OTOR: variants seen among roughly 807,000 people sequenced by gnomAD.
The protein encoded by OTOR is otoraplin.
In OTOR, 20 loss-of-function variants were observed where a neutral mutation model predicts 15.9. The ratio of observed to expected loss-of-function variants is 1.26; its 90% CI spans 0.89 to 1.83. The LOEUF (loss-of-function observed/expected upper bound fraction) is 1.83. Ranked by LOEUF, OTOR falls within the 40% of genes most tolerant of loss-of-function variation. The pLI is 0.00. For missense variants in OTOR, 184 were observed against 159.0 expected (o/e 1.16, Z -0.85); for synonymous variants, 53 against 54.2 (o/e 0.98, Z 0.09).
At position 16,751,112 on chromosome 20, in the gene OTOR, C is replaced by A. The variant is rs370100954; in HGVS notation, c.381C>A (p.Cys127Ter). The A allele has an allele frequency of 3.2e-6, 5 of 1,541,916 alleles. No individual in the cohort carries two copies. The highest frequency in any genetic ancestry group is 1.7e-4 in the Middle Eastern group (1 of 5,920). Residue 127 changes from cysteine (C) to a stop codon, truncating the protein, a stop_gained, in exon 4 of 4, where the codon TGC becomes TGA. Transcript: ENST00000246081. LOFTEE classifies it high-confidence loss of function. The part of the protein sequence containing the change: ...EVPTTDIDFF[C>*]E ...TTTTCCAGGATATTGACTTCTTCTGCGAGTAATAAATTAGTTAAAACTGCA... is the reference window on the plus strand; with the variant it reads ...TTTTCCAGGATATTGACTTCTTCTGAGAGTAATAAATTAGTTAAAACTGCA...
chr20:16,748,906 C>G lies in OTOR; in HGVS notation c.155C>G (p.Ala52Gly). ...SLASAQEDYN[A>G]PDCRFINVKK... Reference sequence around the variant, plus strand: ...GCTAGTGCTCAAGAAGATTATAATGCCCCGGACTGTAGATTCATTAACGTT... The same window carrying G: ...GCTAGTGCTCAAGAAGATTATAATGGCCCGGACTGTAGATTCATTAACGTT... Residue 52 changes from alanine to glycine, a missense_variant, in exon 2 of 4, where the codon GCC (alanine) becomes GGC (glycine). Transcript: ENST00000246081. The G allele has an allele frequency of 6.2e-7, 1 of 1,610,060 alleles. No individual in the cohort carries two copies. Among genetic ancestry groups the G allele is most frequent in the Non-Finnish European group, 8.5e-7 (1 of 1,177,852 alleles).
rs61752032 is a variant in OTOR, at chr20:16,749,995, G to A, written c.348G>A (p.Lys116=). ...KEQRVYQEAT[K]EVPTTDIDFF... ...AGCGTGTGTACCAGGAAGCTACCAA[G>A]GAAGTTCCCACCACGGTAAGCATCT... The change falls in exon 3 of 4, where the codon AAG becomes AAA. Residue 116 remains lysine, a synonymous_variant. Transcript: ENST00000246081. 18,408 of 1,610,964 alleles carry A rather than the reference G, an allele frequency of 0.011. 186 individuals are homozygous for A. The highest frequency in any genetic ancestry group is 0.062 in the Middle Eastern group (378 of 6,058).
Position 16,751,232 on chromosome 20 carries a change from C to G in OTOR, c.*114C>G, listed in dbSNP as rs1408699183. 9.5e-6 allele frequency: 7 copies of G among 738,676 alleles called. No homozygotes were observed. The highest frequency in any genetic ancestry group is 1.1e-5 in the Non-Finnish European group (5 of 453,116). The allele number at this position is 738,676 out of a possible 1,614,324, so 45.8% of individuals were successfully genotyped here. On this transcript the variant is annotated 3_prime_UTR_variant, in exon 4 of 4. Transcript: ENST00000246081. ...GACTGACGTTTTAAGAATTTGTTAC[C>G]TTACAGAAGAGCAAGGGCTTAGGGG...
intron 3 of OTOR, among the ~76,000 whole-genome samples, chr20:16,750,403 T>TTGTGTG (rs3075058): frequency 0.18 from 26,570 of 148,268 alleles, 2,885 homozygotes; most frequent in East Asian, 0.44. Context: ...ATAGTTACCT[T>TTGTGTG]TGTGTGTGTG....
intron 2 of OTOR, chr20:16,749,479 G>A (rs1258768011): frequency 1.7e-5 from 3 of 172,966 alleles, no homozygotes; most frequent in Non-Finnish European, 3.6e-5. Context: ...CTAAAGGTAA[G>A]TTCTAAATTA....
chr20:16,751,903 A>AG lies in OTOR; in HGVS notation c.*786dup, dbSNP rs1244732106. ...CAAGCTGCAAGTCATCAAAAGACCCAGAAAAAAAAAAGTCTGTAGGTTATT... is the reference window on the plus strand; with the variant it reads ...CAAGCTGCAAGTCATCAAAAGACCCAGGAAAAAAAAAAGTCTGTAGGTTATT... On this transcript the variant is annotated 3_prime_UTR_variant, in exon 4 of 4. Transcript: ENST00000246081. 6.7e-6 allele frequency: 1 copy of AG among 149,822 alleles called. No homozygotes were observed. The highest frequency in any genetic ancestry group is 1.5e-5 in the Non-Finnish European group (1 of 67,046). 9.3% of individuals were successfully genotyped at this position (149,822 alleles called of 1,614,324 possible). A position where few individuals can be genotyped will look rare whatever the true frequency, so the allele number is the denominator to read the frequency against.
At position 16,748,997 on chromosome 20, in the gene OTOR, G is replaced by T; in HGVS notation, c.246G>T (p.Trp82Cys). 2.6e-6 allele frequency: 4 copies of T among 1,549,142 alleles called. No homozygotes were observed. Among genetic ancestry groups the T allele is most frequent in the Non-Finnish European group, 3.5e-6 (4 of 1,156,318 alleles). ...AAGAAAATGGAGCTGGAGAATTTTG[G>T]GCTGGCAGTGTAAGATAATTTAAAC... ...LVKENGAGEF[W>C]AGSVYGDGQD... The change falls in exon 2 of 4, where the codon TGG (tryptophan) becomes TGT (cysteine). Residue 82 changes from tryptophan (W) to cysteine (C), a missense_variant. Transcript: ENST00000246081.
At position 16,748,444 on chromosome 20, in the gene OTOR, G is replaced by GT. The variant is rs1323935955; in HGVS notation, c.44dup (p.Cys16MetfsTer20). ...ACTTTTCCTCCCGGGTCTTGTGGCT[G>GT]TATGTGCTGTGCATGGAATATTTAT... On this transcript the variant is annotated frameshift_variant, in exon 1 of 4. Coordinates refer to ENST00000246081, the MANE Select transcript of OTOR (RefSeq NM_020157.4). LOFTEE classifies it high-confidence loss of function. 1 of 1,613,636 alleles carries GT rather than the reference G, an allele frequency of 6.2e-7. No homozygotes were observed. The highest frequency in any genetic ancestry group is 1.1e-5 in the South Asian group (1 of 91,072).
At chr20:16,748,694 G>C (rs1235692155) in intron 1 of OTOR, among the ~76,000 whole-genome samples, 173 bp from the exon 2 acceptor site, 4 of 152,172 alleles carry the variant, frequency 2.6e-5, no homozygotes, top group Non-Finnish European at 5.9e-5. Context: ...ACTTGGCTGA[G>C]TTTTGTTGCA....
intron 2 of OTOR, 119 bp downstream of exon 2, chr20:16,749,125 G>A: frequency 1.6e-6 from 1 of 609,910 alleles, no homozygotes; most frequent in South Asian, 6.4e-5. Context: ...GATTGTAGAT[G>A]GAAATGCAAA....
intron 3 of OTOR, among the ~76,000 whole-genome samples, chr20:16,750,867 T>A (rs527249294): frequency 6.6e-6 from 1 of 152,248 alleles, no homozygotes; most frequent in South Asian, 2.1e-4. Context: ...CTTAGCATTA[T>A]GCTGAAATCT....
intron 1 of OTOR, 55 bp downstream of exon 1, chr20:16,748,571 T>G: frequency 1.9e-6 from 2 of 1,034,374 alleles, no homozygotes; most frequent in East Asian, 4.8e-5. Context: ...TGAAAATATA[T>G]CCACTAATAG....
rs760235968 is a variant in OTOR, at chr20:16,750,043, C to T, written c.363+33C>T. On this transcript the variant is annotated intron_variant, in intron 3 of 3. Coordinates refer to ENST00000246081, the MANE Select transcript of OTOR (RefSeq NM_020157.4). ...TCTCAAAAGTGACTAGACAAGGACTCAGATCTTGGGGCAATGTAGGCCGGT... is the reference window on the plus strand; with the variant it reads ...TCTCAAAAGTGACTAGACAAGGACTTAGATCTTGGGGCAATGTAGGCCGGT... 4 of 1,405,488 alleles carry T rather than the reference C, an allele frequency of 2.8e-6. No homozygotes were observed. In the East Asian group the frequency reaches 6.9e-5, roughly 24 times the overall value. The allele number at this position is 1,405,488 out of a possible 1,614,324, so 87.1% of individuals were successfully genotyped here.
In OTOR at chr20:16,748,508, AGT is replaced by A; in HGVS notation, c.112_113del (p.Val38LeufsTer7). ...TCCAAGAAGCTCTGTGCAGATGATGAGTGTGTCTGTAAGGACTTTTTTATGCT... is the reference window on the plus strand; with the variant it reads ...TCCAAGAAGCTCTGTGCAGATGATGAGTGTCTGTAAGGACTTTTTTATGCT... On this transcript the variant is annotated frameshift_variant, in exon 1 of 4. Transcript: ENST00000246081. LOFTEE classifies it high-confidence loss of function. 6.3e-7 allele frequency: 1 copy of A among 1,594,114 alleles called. No individual in the cohort carries two copies. The highest frequency in any genetic ancestry group is 8.6e-7 in the Non-Finnish European group (1 of 1,162,316).
rs1238562355 is a variant in OTOR, at chr20:16,750,003, C to T, written c.356C>T (p.Pro119Leu). 1.9e-6 allele frequency: 3 copies of T among 1,606,584 alleles called. No homozygotes were observed. Among genetic ancestry groups the T allele is most frequent in the South Asian group, 2.2e-5 (2 of 90,816 alleles). ...RVYQEATKEVPTTDIDFFCE is the reference protein window; with the variant it reads ...RVYQEATKEVLTTDIDFFCE ...TACCAGGAAGCTACCAAGGAAGTTC[C>T]CACCACGGTAAGCATCTCAAAAGTG... The change falls in exon 3 of 4, where the codon CCC becomes CTC. Residue 119 changes from proline (P) to leucine (L), a missense_variant. Pro to Leu is a moderately conservative substitution (Grantham distance 98). Coordinates refer to ENST00000246081, the MANE Select transcript of OTOR (RefSeq NM_020157.4).
At chr20:16,749,066 C>T (rs1600230498) in intron 2 of OTOR, 60 bp downstream of exon 2, 2 of 1,255,300 alleles carry the variant, frequency 1.6e-6, no homozygotes, top group East Asian at 2.5e-5. Context: ...TGATTACCTA[C>T]CTTCAACCTA....
intron 1 of OTOR, 33 bp downstream of exon 1, chr20:16,748,549 C>A: frequency 8.1e-7 from 1 of 1,239,788 alleles, no homozygotes; most frequent in South Asian, 1.3e-5. Context: ...CATTATCTTT[C>A]TATTACATAA....
Position 16,749,982 on chromosome 20 carries a change from A to G in OTOR, c.335A>G (p.Gln112Arg). The change falls in exon 3 of 4, where the codon CAG becomes CGG. Residue 112 changes from glutamine (Q) to arginine (R), a missense_variant. Transcript: ENST00000246081. Reference protein sequence around the residue: ...RNLVKEQRVYQEATKEVPTTD... With the variant: ...RNLVKEQRVYREATKEVPTTD... ...TTGGTCAAGGAACAGCGTGTGTACC[A>G]GGAAGCTACCAAGGAAGTTCCCACC... 1 of 1,613,246 alleles carries G rather than the reference A, an allele frequency of 6.2e-7. No individual in the cohort carries two copies. Among genetic ancestry groups the G allele is most frequent in the Non-Finnish European group, 8.5e-7 (1 of 1,179,362 alleles).
chr20:16,748,405 G>A lies in OTOR; in HGVS notation c.4G>A (p.Ala2Thr), dbSNP rs550799765. The A allele has an allele frequency of 6.2e-7, 1 of 1,605,236 alleles. No homozygotes were observed. Among genetic ancestry groups the A allele is most frequent in the East Asian group, 2.2e-5 (1 of 44,820 alleles). ...AGTTAAAACAGAAAAAAGGAAGATG[G>A]CAAGAATATTGTTACTTTTCCTCCC... M[A>T]RILLLFLPGL... Residue 2 changes from alanine (A) to threonine (T), a missense_variant, in exon 1 of 4, where the codon GCA becomes ACA. By Grantham distance (58) the Ala-to-Thr change is moderately conservative (BLOSUM62 0). Coordinates refer to ENST00000246081, the MANE Select transcript of OTOR (RefSeq NM_020157.4).
Sources: allele counts gnomAD v4.1 joint callset (sites outside exome capture counted in the v4.1 genomes callset), GRCh38; gene constraint gnomAD v4.1.1; transcripts MANE v1.5; gene names NCBI Gene and HGNC (gene_info 2026-07-23, HGNC 2026-07-21).